NME8: variants seen among roughly 807,000 people sequenced by gnomAD.
The protein encoded by NME8 is NME/NM23 family member 8.
Under a neutral mutation model 82.3 loss-of-function variants are expected in NME8, and 72 were observed. The ratio of observed to expected loss-of-function variants is 0.87; its 90% confidence interval spans 0.72 to 1.06. NME8 has a LOEUF of 1.06. Among genes scored for constraint, NME8 ranks in the 50% least tolerant of loss-of-function variants. The pLI is 0.00. For missense variants in NME8, 712 were observed against 685.4 expected (o/e 1.04, Z -0.43); for synonymous variants, 267 against 228.5 (o/e 1.17, Z -1.52).
chr7:37,861,250 C>G (rs1784593680), intron 6 of NME8, among the ~76,000 whole-genome samples: 1 of 152,214 alleles, frequency 6.6e-6, no homozygotes, highest in African/African-American at 2.4e-5. Context: ...GGCTTCAACT[C>G]ACACCAGGCT....
At chr7:37,899,404 A>G (rs1785279295) in intron 17 of NME8, among the ~76,000 whole-genome samples, 1 of 152,174 alleles carries the variant, frequency 6.6e-6, no homozygotes, top group Non-Finnish European at 1.5e-5. Flanking sequence ...GGAAGCCACT[A>G]TCCTCAGCAA....
intron 10 of NME8, among the ~76,000 whole-genome samples, chr7:37,866,114 T>G (rs534718803): frequency 6.6e-6 from 1 of 152,136 alleles, no homozygotes; most frequent in South Asian, 2.1e-4. Flanking sequence ...TGCTGTGTAT[T>G]AGAAAGTGTA....
chr7:37,875,492 A>G (rs1485632983), intron 11 of NME8, among the ~76,000 whole-genome samples: 4 of 152,042 alleles, frequency 2.6e-5, no homozygotes, highest in Non-Finnish European at 5.9e-5. Flanking sequence ...AATATGGGAC[A>G]GTGTTAACAG....
At chr7:37,870,801 G>A (rs1467428691) in intron 11 of NME8, among the ~76,000 whole-genome samples, 1 of 152,034 alleles carries the variant, frequency 6.6e-6, no homozygotes, top group East Asian at 1.9e-4. Context: ...CTTTTTGTCT[G>A]TTGATGCCCG....
intron 17 of NME8, among the ~76,000 whole-genome samples, chr7:37,899,229 C>T (rs902811225): frequency 1.3e-4 from 19 of 151,962 alleles, no homozygotes; most frequent in South Asian, 2.1e-4. Context: ...GATACATGCA[C>T]GGATATATTC....
In NME8 at chr7:37,888,398, A is replaced by G. The variant is rs1262375581; in HGVS notation, c.1369A>G (p.Ile457Val). 3 of 1,613,238 alleles carry G rather than the reference A, an allele frequency of 1.9e-6. No individual in the cohort carries two copies. The highest frequency in any genetic ancestry group is 2.5e-6 in the Non-Finnish European group (3 of 1,179,564). ...TCCTCTTCAAAGCACTTTAGGCTTG[A>G]TTAAACCTCATGCAACAAGTGAACA... ...FFPLQSTLGL[I>V]KPHATSEQRE... is the part of the protein sequence containing the mutation. Residue 457 changes from isoleucine (I) to valine (V), a missense_variant, in exon 15 of 18, where the codon ATT (isoleucine) becomes GTT (valine). Coordinates refer to ENST00000199447, the MANE Select transcript of NME8 (RefSeq NM_016616.5).
intron 15 of NME8, 145 bp downstream of exon 15, chr7:37,888,573 G>T (rs773078113): frequency 2.9e-6 from 2 of 685,532 alleles, no homozygotes; most frequent in Non-Finnish European, 5.0e-6. Context: ...CCTTCATTTA[G>T]ATTCAACAAT....
chr7:37,894,726 A>T, intron 16 of NME8, 116 bp downstream of exon 16: 1 of 1,037,930 alleles, frequency 9.6e-7, no homozygotes, highest in Non-Finnish European at 1.4e-6. Context: ...TCATGAAAAG[A>T]CATTCTGCTA....
chr7:37,871,004 A>C (rs1312496311), intron 11 of NME8, among the ~76,000 whole-genome samples: 3 of 152,206 alleles, frequency 2.0e-5, no homozygotes, highest in Admixed American at 2.0e-4. Context: ...TAATTTATTC[A>C]GTTGTTCACT....
At chr7:37,864,936 C>T (rs1784655163) in intron 9 of NME8, among the ~76,000 whole-genome samples, 1 of 152,108 alleles carries the variant, frequency 6.6e-6, no homozygotes, top group Admixed American at 6.6e-5. Context: ...GACTAGCCCC[C>T]ATAATTCAAT....
chr7:37,890,661 G>A (rs556439085), intron 15 of NME8, among the ~76,000 whole-genome samples: 40 of 152,044 alleles, frequency 2.6e-4, no homozygotes, highest in African/African-American at 9.4e-4. Flanking sequence ...ATATGAGTGA[G>A]ATCATGCAGT....
chr7:37,863,542 C>A, intron 8 of NME8, 80 bp downstream of exon 8: 1 of 801,938 alleles, frequency 1.2e-6, no homozygotes, highest in Non-Finnish European at 2.3e-6. Context: ...TTCAGCAAAA[C>A]ACTGGTAACA....
At chr7:37,849,556 G>A (rs1254632603) in intron 2 of NME8, among the ~76,000 whole-genome samples, 1 of 152,050 alleles carries the variant, frequency 6.6e-6, no homozygotes, top group African/African-American at 2.4e-5. Context: ...ATGTACAGTG[G>A]GGAAATTTTT....
At chr7:37,869,185 C>T (rs562513063) in intron 11 of NME8, among the ~76,000 whole-genome samples, 73 of 152,196 alleles carry the variant, frequency 4.8e-4, no homozygotes, top group African/African-American at 1.7e-3. Flanking sequence ...CCTAGTGATG[C>T]CATATTTTTA....
chr7:37,888,249 G>A lies in NME8; in HGVS notation c.1248-28G>A, dbSNP rs200713591. On this transcript the variant is annotated intron_variant, in intron 14 of 17. Coordinates refer to ENST00000199447, the MANE Select transcript of NME8 (RefSeq NM_016616.5). ...TATATTATTCTGTTCTGTTCTAATA[G>A]CTTTTAAACCTGACTTCTTTTTCAA... The A allele has an allele frequency of 1.7e-5, 28 of 1,610,600 alleles. No homozygotes were observed. In the East Asian group the frequency reaches 6.0e-4, roughly 35 times the overall value.
chr7:37,858,126 A>T (rs1410467466), intron 6 of NME8, among the ~76,000 whole-genome samples: 1 of 152,216 alleles, frequency 6.6e-6, no homozygotes, highest in African/African-American at 2.4e-5. Context: ...CAGAGTGTAC[A>T]GTTAGTGCTA....
chr7:37,887,058 G>A (rs1356879278), intron 14 of NME8, among the ~76,000 whole-genome samples: 1 of 151,778 alleles, frequency 6.6e-6, no homozygotes, highest in Non-Finnish European at 1.5e-5. Flanking sequence ...CTGTTTAAAG[G>A]GAAAAAAGTG....
At chr7:37,862,235 A>G (rs1784607483) in intron 7 of NME8, 91 bp downstream of exon 7, 1 of 837,266 alleles carries the variant, frequency 1.2e-6, no homozygotes, top group East Asian at 2.5e-5. Flanking sequence ...GGTACCTCTA[A>G]AGGCTTTGAG....
intron 15 of NME8, among the ~76,000 whole-genome samples, chr7:37,890,739 A>G (rs1464287523): frequency 1.3e-5 from 2 of 151,956 alleles, no homozygotes; most frequent in Non-Finnish European, 2.9e-5. Flanking sequence ...CTATGTTGCC[A>G]CAAATGACAG....
Sources: allele counts gnomAD v4.1 joint callset (sites outside exome capture counted in the v4.1 genomes callset), GRCh38; gene constraint gnomAD v4.1.1; transcripts MANE v1.5; gene names NCBI Gene and HGNC (gene_info 2026-07-23, HGNC 2026-07-21).